The following AKNA variants were observed in gnomAD, a reference collection of about 807,000 sequenced individuals.
AKNA encodes the protein AT-hook transcription factor, also known as microtubule organization protein AKNA.
In AKNA, 67 loss-of-function variants were observed where a neutral mutation model predicts 138.8. That is an observed-to-expected ratio of 0.48 (90% CI 0.40 to 0.59). The LOEUF (loss-of-function observed/expected upper bound fraction) is 0.59. AKNA is among the 20% of genes least tolerant of loss of function. The pLI is 0.00. For missense variants in AKNA, 1,813 were observed against 1,880.4 expected, an observed-to-expected ratio of 0.96 and a Z score of 0.66; for synonymous variants, 737 against 754.4, an observed-to-expected ratio of 0.98 and a Z score of 0.38.
Position 114,347,799 on chromosome 9 carries a change from G to T in AKNA, c.3323C>A (p.Ser1108Tyr). 1 of 1,550,676 alleles carries T rather than the reference G, an allele frequency of 6.4e-7. No individual in the cohort carries two copies. The highest frequency in any genetic ancestry group is 8.7e-7 in the Non-Finnish European group (1 of 1,146,900). Reference protein sequence around the residue: ...PLQGSPTRPASAFDRPARTRG... With the variant: ...PLQGSPTRPAYAFDRPARTRG... ...GGTCCGGGCGGGGCGGTCAAAGGCA[G>T]ATGCTGGGCGTGTCGGGCTGCCCTG... is the stretch of plus-strand genomic sequence containing the variant. Residue 1108 changes from serine (S) to tyrosine (Y), a missense_variant, in exon 16 of 22, where the codon TCT (serine) becomes TAT (tyrosine). By Grantham distance (144) the Ser-to-Tyr change is moderately radical. Coordinates refer to ENST00000374088, the MANE Select transcript of AKNA (RefSeq NM_001317950.2).
chr9:114,355,896 T>A (rs1831463335), intron 14 of AKNA, 29 bp downstream of exon 14: 8 of 1,609,152 alleles, frequency 5.0e-6, no homozygotes, highest in Non-Finnish European at 5.1e-6. Flanking sequence ...ACCCATGCAG[T>A]TCTGTCCAAG....
At chr9:114,364,395 A>G (rs971685887) in intron 7 of AKNA, among the ~76,000 whole-genome samples, 165 bp downstream of exon 7, 24 of 152,196 alleles carry the variant, frequency 1.6e-4, no homozygotes, top group South Asian at 2.1e-4. Context: ...TTGTGAAATA[A>G]TGATCGTTAT....
Position 114,337,026 on chromosome 9 carries a change from C to T in AKNA, c.*28G>A. The stretch of plus-strand genomic sequence containing the variant: ...GGCAGGCCACCTGCCCACCCACCCA[C>T]CCATCTGCCTCTGGGCCCCCAGTGA... On this transcript the variant is annotated 3_prime_UTR_variant, in exon 22 of 22. Coordinates refer to ENST00000374088, the MANE Select transcript of AKNA (RefSeq NM_001317950.2). 1 of 612,694 alleles carries T rather than the reference C, an allele frequency of 1.6e-6. No individual in the cohort carries two copies. Among genetic ancestry groups the T allele is most frequent in the Non-Finnish European group, 2.5e-6 (1 of 401,690 alleles). 38.0% of individuals were successfully genotyped at this position (612,694 alleles called of 1,614,324 possible).
intron 1 of AKNA, chr9:114,383,032 C>T (rs113050056): frequency 4.5e-5 from 19 of 422,936 alleles, no homozygotes; most frequent in African/African-American, 1.0e-4. Flanking sequence ...AGGAGTGAGG[C>T]GAGCTGGGGG....
chr9:114,357,834 C>A, intron 12 of AKNA, 87 bp downstream of exon 12: 6 of 1,561,148 alleles, frequency 3.8e-6, no homozygotes, highest in South Asian at 1.2e-5. Flanking sequence ...GAAGGAATAG[C>A]ACAAGGAAAG....
Position 114,368,443 on chromosome 9 carries a change from G to A in AKNA, c.1569C>T (p.Ala523=). Residue 523 remains alanine (A), a synonymous_variant, in exon 5 of 22, where the codon GCC becomes GCT. Transcript: ENST00000374088. ...GPAEDPQASA[A]SGWPSARGDL... ...CAGCTCTTCTCCCGGACTCACCTGAGGCCGCAGAGGCCTGGGGGTCCTCGG... is the reference window on the plus strand; with the variant it reads ...CAGCTCTTCTCCCGGACTCACCTGAAGCCGCAGAGGCCTGGGGGTCCTCGG... 8 of 1,319,600 alleles carry A rather than the reference G, an allele frequency of 6.1e-6. No homozygotes were observed. Among genetic ancestry groups the A allele is most frequent in the Non-Finnish European group, 7.8e-6 (8 of 1,025,340 alleles). The allele number at this position is 1,319,600 out of a possible 1,614,324, so 81.7% of individuals were successfully genotyped here. A position where few individuals can be genotyped will look rare whatever the true frequency, so the allele number is the denominator to read the frequency against.
Position 114,376,793 on chromosome 9 carries a change from C to G in AKNA, c.1014G>C (p.Leu338=). Residue 338 remains leucine, a synonymous_variant, in exon 3 of 22, where the codon CTG becomes CTC. Coordinates refer to ENST00000374088, the MANE Select transcript of AKNA (RefSeq NM_001317950.2). ...GRPLPRQGAT[L]AGRSSSNAPK... is the part of the protein sequence containing the mutation. ...GGGCATTAGAAGAGGAGCGGCCAGCCAGAGTGGCTCCCTGTCTGGGCAGCG... is the reference window on the plus strand; with the variant it reads ...GGGCATTAGAAGAGGAGCGGCCAGCGAGAGTGGCTCCCTGTCTGGGCAGCG... 6.2e-7 allele frequency: 1 copy of G among 1,612,192 alleles called. No individual in the cohort carries two copies.
rs1462937440 is a variant in AKNA, at chr9:114,347,833, G to A, written c.3289C>T (p.Gln1097Ter). ...LRLRLEDSLH[Q>*]PLQGSPTRPA... ...CGTGTCGGGCTGCCCTGGAGTGGCTGGTGCAGGCTGTCTTCCAGCCGCAGA... is the reference window on the plus strand; with the variant it reads ...CGTGTCGGGCTGCCCTGGAGTGGCTAGTGCAGGCTGTCTTCCAGCCGCAGA... Residue 1097 changes from glutamine (Q) to a stop codon, truncating the protein, a stop_gained, in exon 16 of 22, where the codon CAG becomes TAG. Coordinates refer to ENST00000374088, the MANE Select transcript of AKNA (RefSeq NM_001317950.2). LOFTEE classifies it high-confidence loss of function. 2 of 1,550,920 alleles carry A rather than the reference G, an allele frequency of 1.3e-6. No individual in the cohort carries two copies. The highest frequency in any genetic ancestry group is 2.7e-5 in the African/African-American group (2 of 72,900).
At position 114,341,519 on chromosome 9, in the gene AKNA, A is replaced by C. The variant is rs1232371308; in HGVS notation, c.4067+14T>G. ...ATAGAAAGAGGCTGGGAAGGTCAGA[A>C]TGAAGGCTCTTACACAGCGGCAGGT... On this transcript the variant is annotated intron_variant, in intron 21 of 21. Transcript: ENST00000374088. 2 of 1,614,018 alleles carry C rather than the reference A, an allele frequency of 1.2e-6. No homozygotes were observed. The highest frequency in any genetic ancestry group is 1.7e-6 in the Non-Finnish European group (2 of 1,179,980).
intron 16 of AKNA, among the ~76,000 whole-genome samples, chr9:114,347,361 A>G (rs1475208478): frequency 6.6e-6 from 1 of 152,064 alleles, no homozygotes; most frequent in Non-Finnish European, 1.5e-5. Flanking sequence ...CTGGGATTAC[A>G]GGCGCACACC....
chr9:114,377,452 C>T lies in AKNA; in HGVS notation c.355G>A (p.Asp119Asn), dbSNP rs751705423. The T allele has an allele frequency of 6.2e-7, 1 of 1,613,542 alleles. No homozygotes were observed. Among genetic ancestry groups the T allele is most frequent in the Admixed American group, 1.7e-5 (1 of 59,970 alleles). The change falls in exon 3 of 22, where the codon GAC (aspartate) becomes AAC (asparagine). Residue 119 changes from aspartate to asparagine, a missense_variant. Coordinates refer to ENST00000374088, the MANE Select transcript of AKNA (RefSeq NM_001317950.2). The stretch of plus-strand genomic sequence containing the variant: ...CCATCTGGCTCCTCTTCAGTCATGT[C>T]CAGCTGACGGCCCTGCTGGGGGAGC... Reference protein sequence around the residue: ...AWLPQQGRQLDMTEEEPDGTL... With the variant: ...AWLPQQGRQLNMTEEEPDGTL...
intron 15 of AKNA, among the ~76,000 whole-genome samples, chr9:114,349,707 C>T (rs1271442): frequency 0.065 from 9,890 of 152,254 alleles, 1,086 homozygotes; most frequent in African/African-American, 0.23. Context: ...GGCCTTCAGG[C>T]CCTGTAGGAT....
chr9:114,361,979 A>G (rs1238717065), intron 8 of AKNA, 68 bp from the exon 9 acceptor site: 4 of 1,538,222 alleles, frequency 2.6e-6, no homozygotes, highest in Non-Finnish European at 3.5e-6. Context: ...CCAGGAACAG[A>G]GTATCAGAGC....
rs546475299 is a variant in AKNA at position 114,361,438 on chromosome 9, A to T, written c.2124+266T>A. ...CTCCTTCAGTGCACTGACCAAAATT[A>T]TAACTAAATCACTGTAACCAGTTCA... is the stretch of plus-strand genomic sequence containing the variant. On this transcript the variant is annotated intron_variant, in intron 9 of 21. Transcript: ENST00000374088. Among the ~76,000 whole-genome samples, 9 of 152,212 alleles carry T rather than the reference A, an allele frequency of 5.9e-5. No individual in the cohort carries two copies. The South Asian group carries it at 1.7e-3, about 28-fold the overall frequency.
At position 114,339,639 on chromosome 9, in the gene AKNA, C is replaced by G. The variant is rs1386164208; in HGVS notation, c.4067+1894G>C. Among the ~76,000 whole-genome samples, 3 of 152,162 alleles carry G rather than the reference C, an allele frequency of 2.0e-5. No individual in the cohort carries two copies. In the East Asian group the frequency reaches 5.8e-4, roughly 29 times the overall value. On this transcript the variant is annotated intron_variant, in intron 21 of 21. Transcript: ENST00000374088. Reference sequence around the variant, plus strand: ...AGACTCCATGGCTACCGTGGGGTCACCAAATTCTGGGCAAAACCTTTCCCG... The same window carrying G: ...AGACTCCATGGCTACCGTGGGGTCAGCAAATTCTGGGCAAAACCTTTCCCG...
At chr9:114,371,832 A>G (rs1286790177) in intron 4 of AKNA, among the ~76,000 whole-genome samples, 1 of 151,794 alleles carries the variant, frequency 6.6e-6, no homozygotes, top group Non-Finnish European at 1.5e-5. Context: ...GCAGAGTGAA[A>G]TGGCTCGGTG....
chr9:114,338,890 G>A (rs1284419099), intron 21 of AKNA, among the ~76,000 whole-genome samples: 4 of 152,126 alleles, frequency 2.6e-5, no homozygotes, highest in South Asian at 2.1e-4. Flanking sequence ...ACCTGGGCCC[G>A]ACTCTCCCCA....
intron 2 of AKNA, among the ~76,000 whole-genome samples, chr9:114,379,957 C>A (rs1243930026): frequency 6.6e-6 from 1 of 152,162 alleles, no homozygotes; most frequent in Non-Finnish European, 1.5e-5. Flanking sequence ...TTGAGACCAG[C>A]CTGGGCAACA....
upstream of AKNA, among the ~76,000 whole-genome samples, chr9:114,388,811 A>C (rs1834219836): frequency 6.6e-6 from 1 of 152,236 alleles, no homozygotes; most frequent in Non-Finnish European, 1.5e-5. Context: ...ACTCTAGCAG[A>C]GACATGGACA....
Sources: gnomAD v4.1 joint callset for allele counts (sites outside exome capture counted in the v4.1 genomes callset) on GRCh38, gnomAD v4.1.1 for gene constraint, MANE v1.5 for transcripts, NCBI Gene and HGNC (gene_info 2026-07-23, HGNC 2026-07-21) for gene names.